The following VILL variants were observed in gnomAD, a reference collection of about 807,000 sequenced individuals.
The protein encoded by VILL is villin like.
A neutral mutation model predicts 106.3 loss-of-function variants in VILL; 102 were observed. That is an observed-to-expected ratio of 0.96 (90% CI 0.82 to 1.13). The LOEUF (loss-of-function observed/expected upper bound fraction) is 1.13, where lower values mean the gene tolerates loss of function less well. Among genes scored for constraint, VILL ranks in the 50% most tolerant of loss-of-function variants. The probability of loss-of-function intolerance (pLI) is 0.00; values close to 1 mark genes in which losing one functional copy is unlikely to be tolerated. For synonymous variants in VILL, 431 were observed against 440.3 expected (o/e 0.98, Z 0.27); for missense variants, 1,076 against 1,116.6 (o/e 0.96, Z 0.52).
Position 37,998,664 on chromosome 3 carries a change from C to G in VILL, c.943-248C>G, listed in dbSNP as rs1033188644. Among the ~76,000 whole-genome samples the G allele has an allele frequency of 6.6e-6, 1 of 152,098 alleles. No individual in the cohort carries two copies. Among genetic ancestry groups the G allele is most frequent in the East Asian group, 1.9e-4 (1 of 5,166 alleles). On this transcript the variant is annotated intron_variant, in intron 9 of 19. Coordinates refer to ENST00000383759, the MANE Select transcript of VILL (RefSeq NM_015873.4). The surrounding 1 kb of genome is among the most constrained non-coding windows in gnomAD (Gnocchi z 4.1). ...GTGGGGCTGGGGAGGAGACAGGGCT[C>G]TCTCTGTCTGGGGTCCGTGAGGGTT...
At chr3:37,995,689 T>C (rs574137893) in intron 4 of VILL, 50 bp from the exon 5 acceptor site, 1 of 1,474,312 alleles carries the variant, frequency 6.8e-7, no homozygotes, top group Admixed American at 1.7e-5. Flanking sequence ...TGGCAGTCTG[T>C]GTTCTTATAT....
At chr3:37,994,115 A>C in intron 3 of VILL, 143 bp downstream of exon 3, 1 of 1,407,214 alleles carries the variant, frequency 7.1e-7, no homozygotes, top group Non-Finnish European at 9.9e-7. Context: ...GTTACCGTTG[A>C]GGCTTCTTAG....
intron 11 of VILL, 192 bp from the exon 12 acceptor site, chr3:38,001,264 A>C (rs927748044): frequency 8.4e-5 from 69 of 819,452 alleles, no homozygotes; most frequent in Non-Finnish European, 6.5e-5. Context: ...CCGTGGGGAA[A>C]GGGTCACCTG....
At chr3:37,996,913 TA>T (rs1699712061) in intron 5 of VILL, among the ~76,000 whole-genome samples, 163 bp from the exon 6 acceptor site, 1 of 152,152 alleles carries the variant, frequency 6.6e-6, no homozygotes, top group Non-Finnish European at 1.5e-5. Context: ...AGAAGTGTCA[TA>T]AGTCATGTAC....
chr3:38,001,133 C>T (rs1004603940), intron 11 of VILL: 4 of 527,232 alleles, frequency 7.6e-6, no homozygotes, highest in Non-Finnish European at 1.1e-5. Context: ...GCCTGAGCAG[C>T]GAGCAGCTGG....
chr3:37,990,045 G>A (rs1052216477), upstream of VILL, among the ~76,000 whole-genome samples: 4 of 152,238 alleles, frequency 2.6e-5, no homozygotes, highest in African/African-American at 7.2e-5. This position sits in a 1 kb window ranked among gnomAD's most constrained non-coding sequence, Gnocchi z 5.1. Context: ...GATGGCCCAC[G>A]CTGGCTGGGC....
chr3:37,994,557 A>C, intron 4 of VILL, 91 bp downstream of exon 4: 1 of 1,465,358 alleles, frequency 6.8e-7, no homozygotes. Context: ...CACATCCCTG[A>C]ATGGGGCAAG....
chr3:37,996,394 C>G (rs149761862), intron 5 of VILL, among the ~76,000 whole-genome samples: 55 of 152,338 alleles, frequency 3.6e-4, no homozygotes, highest in African/African-American at 1.3e-3. Flanking sequence ...CAAATCAGAA[C>G]AGTGCCCCTT....
rs766812440 is a variant in VILL at position 38,006,557 on chromosome 3, C to T, written c.2314C>T (p.Arg772Ter). Residue 772 changes from arginine (R) to a stop codon, truncating the protein, a stop_gained, in exon 19 of 20, where the codon CGA becomes TGA. Transcript: ENST00000383759. LOFTEE classifies it high-confidence loss of function. ...SQDSSENDLV[R>*]SPKSAGSRTS... ...GGACAGCTCAGAGAATGATCTGGTG[C>T]GAAGCCCCAAGTCGGCTGGCAGCAG... The T allele has an allele frequency of 1.3e-5, 21 of 1,613,994 alleles. No individual in the cohort carries two copies. Among genetic ancestry groups the T allele is most frequent in the Admixed American group, 3.3e-5 (2 of 60,012 alleles).
At chr3:37,999,089 A>T in intron 10 of VILL, 39 bp downstream of exon 10, 1 of 94,310 alleles carries the variant, frequency 1.1e-5, no homozygotes, top group African/African-American at 7.8e-5. Context: ...GCGGGGCGGG[A>T]CTGGCGGGGG....
rs1032970931 is a variant in VILL at position 38,004,902 on chromosome 3, C to T, written c.1950+503C>T. On this transcript the variant is annotated intron_variant, in intron 16 of 19. Coordinates refer to ENST00000383759, the MANE Select transcript of VILL (RefSeq NM_015873.4). ...GGTGAAAATGTGTCTGTGAGCAAGA[C>T]TATGACTGGCTGTGGGCGAATGATG... 2.6e-5 allele frequency among the ~76,000 whole-genome samples: 4 copies of T among 152,222 alleles called. No homozygotes were observed. The East Asian group carries it at 7.7e-4, about 29-fold the overall frequency.
Position 37,997,532 on chromosome 3 carries a change from G to C in VILL, c.611G>C (p.Arg204Pro). The change falls in exon 7 of 20, where the codon CGT (arginine) becomes CCT (proline). Residue 204 changes from arginine to proline, a missense_variant. Coordinates refer to ENST00000383759, the MANE Select transcript of VILL (RefSeq NM_015873.4). This position sits in a 1 kb window ranked among gnomAD's most constrained non-coding sequence, Gnocchi z 4.7. ...CGGGACAGGGAACGTGGTGGTGGTC[G>C]TGCACAGATTGGTGTGGTGGATGAT... Reference protein sequence around the residue: ...SLRDRERGGGRAQIGVVDDEA... With the variant: ...SLRDRERGGGPAQIGVVDDEA... The C allele has an allele frequency of 6.2e-7, 1 of 1,614,114 alleles. No homozygotes were observed. Among genetic ancestry groups the C allele is most frequent in the Non-Finnish European group, 8.5e-7 (1 of 1,180,024 alleles).
intron 1 of VILL, among the ~76,000 whole-genome samples, chr3:37,992,394 C>T (rs1453703643): frequency 1.3e-5 from 2 of 152,310 alleles, no homozygotes; most frequent in East Asian, 3.9e-4. Context: ...CATTGTCACA[C>T]CAACAGGCCA....
At position 37,998,030 on chromosome 3, in the gene VILL, G is replaced by A. The variant is rs2125532727; in HGVS notation, c.765-60G>A. On this transcript the variant is annotated intron_variant, in intron 7 of 19. Coordinates refer to ENST00000383759, the MANE Select transcript of VILL (RefSeq NM_015873.4). The surrounding 1 kb of genome is among the most constrained non-coding windows in gnomAD (Gnocchi z 4.1). ...CTGGGGTGGGGTCCTAAATGGGGCTGGAGTGGAGACAGATCAGGGAGGGGC... is the reference window on the plus strand; with the variant it reads ...CTGGGGTGGGGTCCTAAATGGGGCTAGAGTGGAGACAGATCAGGGAGGGGC... The A allele has an allele frequency of 1.3e-6, 2 of 1,510,394 alleles. No individual in the cohort carries two copies. Among genetic ancestry groups the A allele is most frequent in the Non-Finnish European group, 1.8e-6 (2 of 1,111,388 alleles). 93.6% of individuals were successfully genotyped at this position (1,510,394 alleles called of 1,614,324 possible).
chr3:37,998,210 C>T lies in VILL; in HGVS notation c.843+42C>T. ...CCCAGCTACTTGCATCCTTCCCCAT[C>T]CACAACCCCAGCCCAGTCTGGACCA... On this transcript the variant is annotated intron_variant, in intron 8 of 19. Coordinates refer to ENST00000383759, the MANE Select transcript of VILL (RefSeq NM_015873.4). This position sits in a 1 kb window ranked among gnomAD's most constrained non-coding sequence, Gnocchi z 4.1. The T allele has an allele frequency of 1.9e-6, 3 of 1,613,862 alleles. No individual in the cohort carries two copies. The highest frequency in any genetic ancestry group is 2.5e-6 in the Non-Finnish European group (3 of 1,179,794).
chr3:37,994,410 C>T lies in VILL; in HGVS notation c.285C>T (p.Arg95=), dbSNP rs1363311079. Residue 95 remains arginine, a synonymous_variant, in exon 4 of 20, where the codon CGC becomes CGT. Coordinates refer to ENST00000383759, the MANE Select transcript of VILL (RefSeq NM_015873.4). ...TGGGGGGCCAGACCGTGCTGCACCG[C>T]GAGGCGCAGGGCCACGAGTCCGACT... ...DELGGQTVLH[R]EAQGHESDCF... is the part of the protein sequence containing the mutation. The T allele has an allele frequency of 1.2e-6, 2 of 1,612,630 alleles. No homozygotes were observed. Among genetic ancestry groups the T allele is most frequent in the East Asian group, 2.2e-5 (1 of 44,854 alleles).
chr3:38,005,957 G>A lies in VILL; in HGVS notation c.2116G>A (p.Asp706Asn), dbSNP rs199860718. The change falls in exon 17 of 20, where the codon GAC becomes AAC. Residue 706 changes from aspartate to asparagine, a missense_variant. By Grantham distance (23) the Asp-to-Asn change is conservative. Coordinates refer to ENST00000383759, the MANE Select transcript of VILL (RefSeq NM_015873.4). ...CTTCATTGGATGGTTCTTCACTTGG[G>A]ACCCCTACAAGTGGACTGTGAGTGA... ...PTFIGWFFTW[D>N]PYKWTSHPSH... 44 of 1,612,820 alleles carry A rather than the reference G, an allele frequency of 2.7e-5. No individual in the cohort carries two copies. In the African/African-American group the frequency reaches 3.7e-4, roughly 14 times the overall value.
chr3:37,992,448 G>A (rs925186079), intron 1 of VILL, among the ~76,000 whole-genome samples: 1 of 152,258 alleles, frequency 6.6e-6, no homozygotes, highest in East Asian at 1.9e-4. Context: ...GTGCACGGAC[G>A]GCTCCCTTCT....
chr3:37,998,367 G>C lies in VILL; in HGVS notation c.942+3G>C. 1 of 1,613,998 alleles carries C rather than the reference G, an allele frequency of 6.2e-7. No individual in the cohort carries two copies. The highest frequency in any genetic ancestry group is 1.1e-5 in the South Asian group (1 of 91,068). ...AGGCTGCCTTCAGCCGGGCTGTGGTGAGCCCTGGGGCTCTGTCTGAGAGGA... is the reference window on the plus strand; with the variant it reads ...AGGCTGCCTTCAGCCGGGCTGTGGTCAGCCCTGGGGCTCTGTCTGAGAGGA... On this transcript the variant is annotated splice_donor_region_variant and intron_variant, in intron 9 of 19. Transcript: ENST00000383759. This position sits in a 1 kb window ranked among gnomAD's most constrained non-coding sequence, Gnocchi z 4.1.
Sources: allele counts gnomAD v4.1 joint callset (sites outside exome capture counted in the v4.1 genomes callset), GRCh38; gene constraint gnomAD v4.1.1; non-coding constraint Gnocchi (gnomAD v3.1); transcripts MANE v1.5; gene names NCBI Gene and HGNC (gene_info 2026-07-23, HGNC 2026-07-21).